The following SEC14L5 variants were observed in gnomAD, a reference collection of about 807,000 sequenced individuals.
SEC14L5 encodes SEC14-like protein 5.
SEC14L5 carries 96 observed loss-of-function variants against 84.6 expected under a neutral mutation model. That is an observed-to-expected ratio of 1.13 (90% CI 0.96 to 1.34). The LOEUF is 1.34. Among genes scored for constraint, SEC14L5 ranks in the 40% most tolerant of loss-of-function variants. The pLI, the probability that SEC14L5 is intolerant of heterozygous loss-of-function variation, is 0.00. For missense variants in SEC14L5, 1,224 were observed against 942.5 expected (o/e 1.30, Z -3.91); for synonymous variants, 546 against 383.4 (o/e 1.42, Z -4.95).
chr16:5,002,913 A>T (rs898122984), intron 10 of SEC14L5, among the ~76,000 whole-genome samples: 1 of 152,156 alleles, frequency 6.6e-6, no homozygotes, highest in Non-Finnish European at 1.5e-5. Context: ...TGAGGTTGCA[A>T]TGTTTTGAAT....
chr16:5,006,144 G>C (rs933947033), intron 12 of SEC14L5, 96 bp downstream of exon 12: 10 of 1,346,648 alleles, frequency 7.4e-6, no homozygotes, highest in South Asian at 2.5e-5. Context: ...GGAGGTGGAG[G>C]GGGGCTGGGT....
At chr16:4,995,453 CTG>C (rs2142511247) in intron 6 of SEC14L5, among the ~76,000 whole-genome samples, 1 of 152,230 alleles carries the variant, frequency 6.6e-6, no homozygotes, top group South Asian at 2.1e-4. Flanking sequence ...GGTCCAGGCT[CTG>C]TTAAAAGCTG....
intron 15 of SEC14L5, among the ~76,000 whole-genome samples, chr16:5,013,663 A>G (rs1386627618): frequency 6.7e-6 from 1 of 149,890 alleles, no homozygotes; most frequent in Non-Finnish European, 1.5e-5. Flanking sequence ...GGTTCAAGCA[A>G]TCCTCATGCC....
chr16:4,988,034 G>C, intron 3 of SEC14L5, 115 bp from the exon 4 acceptor site: 1 of 1,146,634 alleles, frequency 8.7e-7, no homozygotes, highest in Non-Finnish European at 1.2e-6. Flanking sequence ...GGTGGCGCAA[G>C]GGACCTGGGA....
In SEC14L5 at chr16:4,959,294, G is replaced by C. The variant is rs1955089596; in HGVS notation, c.-30G>C. 4 of 1,595,142 alleles carry C rather than the reference G, an allele frequency of 2.5e-6. No individual in the cohort carries two copies. The highest frequency in any genetic ancestry group is 3.4e-6 in the Non-Finnish European group (4 of 1,162,700). On this transcript the variant is annotated 5_prime_UTR_variant, in exon 2 of 16. Transcript: ENST00000251170. ...CCAGGCTCTGTGCACACCCCTGCCT[G>C]GTGACCTCCATTGGTGCTCCAGCGT...
In SEC14L5 at chr16:4,998,003, C is replaced by CCTTTTTTTTTTTTTTT. The variant is rs1555530444; in HGVS notation, c.970+959_970+960insCTTTTTTTTTTTTTTT. Among the ~76,000 whole-genome samples the CCTTTTTTTTTTTTTTT allele has an allele frequency of 1.0e-4, 8 of 77,896 alleles. 4 individuals carry two copies. Among genetic ancestry groups the CCTTTTTTTTTTTTTTT allele is most frequent in the Non-Finnish European group, 5.3e-5 (2 of 37,856 alleles). The allele number at this position is 77,896 out of a possible 152,430, so 51.1% of individuals were successfully genotyped here. A position where few individuals can be genotyped will look rare whatever the true frequency, so the allele number is the denominator to read the frequency against. Reference sequence around the variant, plus strand: ...AATTACACCTGCACAGACTCTAGTTCTTTTTTTTTTTTTTTTTTGAGACAG... The same window carrying CCTTTTTTTTTTTTTTT: ...AATTACACCTGCACAGACTCTAGTTCCTTTTTTTTTTTTTTTTTTTTTTTTTTTTTTTTTGAGACAG... On this transcript the variant is annotated intron_variant, in intron 8 of 15. Transcript: ENST00000251170.
chr16:4,984,108 C>T (rs576451621), intron 2 of SEC14L5, among the ~76,000 whole-genome samples: 1 of 152,198 alleles, frequency 6.6e-6, no homozygotes, highest in South Asian at 2.1e-4. Context: ...AGCTTCACCG[C>T]AATCAGCTTT....
chr16:5,007,480 C>A lies in SEC14L5; in HGVS notation c.1566C>A (p.Pro522=), dbSNP rs1393305533. The change falls in exon 13 of 16, where the codon CCC becomes CCA. Residue 522 remains proline (P), a synonymous_variant. Transcript: ENST00000251170. ...YHSASVLRGA[P]HEVAVEILEG... ...CAGCCAGCGTGCTCCGCGGAGCCCC[C>A]CACGAGGTGCCAGGGCCTGGCCGGG... 1 of 1,613,118 alleles carries A rather than the reference C, an allele frequency of 6.2e-7. No individual in the cohort carries two copies. Among genetic ancestry groups the A allele is most frequent in the African/African-American group, 1.3e-5 (1 of 74,938 alleles).
chr16:4,968,305 G>A (rs945491449), intron 2 of SEC14L5, among the ~76,000 whole-genome samples: 1 of 151,502 alleles, frequency 6.6e-6, no homozygotes, highest in East Asian at 2.0e-4. Context: ...TCAGCCTCCC[G>A]AGTAGCTGGG....
At chr16:4,998,090 C>A (rs964250790) in intron 8 of SEC14L5, among the ~76,000 whole-genome samples, 3 of 150,848 alleles carry the variant, frequency 2.0e-5, no homozygotes, top group African/African-American at 7.3e-5. Context: ...TGCAACTCCG[C>A]CCCCCGCCAG....
chr16:4,993,065 C>T (rs1955569009), intron 6 of SEC14L5, among the ~76,000 whole-genome samples: 1 of 151,882 alleles, frequency 6.6e-6, no homozygotes, highest in Non-Finnish European at 1.5e-5. Context: ...TATTTAGAGA[C>T]AGGGTCTTGC....
intron 2 of SEC14L5, among the ~76,000 whole-genome samples, chr16:4,970,414 T>G (rs1568107693): frequency 1.3e-5 from 2 of 152,142 alleles, no homozygotes; most frequent in Admixed American, 6.5e-5. Context: ...GGGACCCCAG[T>G]GCAAGTTAGA....
Position 4,990,747 on chromosome 16 carries a change from G to A in SEC14L5, c.346-20G>A. On this transcript the variant is annotated intron_variant, in intron 4 of 15. Transcript: ENST00000251170. ...GCCCCCGACATTGAGTCCCTGGCAT[G>A]ACCCCTGCCTGGCTTTCAGGTCCAC... is the stretch of plus-strand genomic sequence containing the variant. The A allele has an allele frequency of 1.3e-6, 2 of 1,596,656 alleles. No individual in the cohort carries two copies. The highest frequency in any genetic ancestry group is 1.3e-5 in the African/African-American group (1 of 74,110).
chr16:5,003,541 G>GC lies in SEC14L5; in HGVS notation c.1276dup (p.Arg426ProfsTer16), dbSNP rs981004565. The GC allele has an allele frequency of 1.0e-5, 14 of 1,334,888 alleles. No homozygotes were observed. The highest frequency in any genetic ancestry group is 1.2e-5 in the Non-Finnish European group (12 of 1,016,048). The allele number at this position is 1,334,888 out of a possible 1,614,324, so 82.7% of individuals were successfully genotyped here. On this transcript the variant is annotated frameshift_variant, in exon 11 of 16. Coordinates refer to ENST00000251170, the MANE Select transcript of SEC14L5 (RefSeq NM_014692.2). LOFTEE classifies it high-confidence loss of function. ...CCTGGGTCGGCTGCTCATCGTGCGA[G>GC]CCCCCCGAGTCTTCCCCGTGCTCTG...
At position 4,991,960 on chromosome 16, in the gene SEC14L5, C is replaced by G; in HGVS notation, c.597C>G (p.Asp199Glu). The part of the protein sequence containing the change: ...EDARNQAGPR[D>E]PSSLEAHGPR... Reference sequence around the variant, plus strand: ...CCCGCAACCAGGCTGGACCGAGGGACCCCAGCTCCCTGGAGGCCCACGGGC... The same window carrying G: ...CCCGCAACCAGGCTGGACCGAGGGAGCCCAGCTCCCTGGAGGCCCACGGGC... Residue 199 changes from aspartate to glutamate, a missense_variant, in exon 6 of 16, where the codon GAC becomes GAG. Physicochemically the swap from Asp to Glu is conservative, Grantham distance 45. Coordinates refer to ENST00000251170, the MANE Select transcript of SEC14L5 (RefSeq NM_014692.2). 1 of 1,594,890 alleles carries G rather than the reference C, an allele frequency of 6.3e-7. No individual in the cohort carries two copies. Among genetic ancestry groups the G allele is most frequent in the Non-Finnish European group, 8.5e-7 (1 of 1,174,668 alleles).
At chr16:4,983,059 G>C (rs1046831669) in intron 2 of SEC14L5, among the ~76,000 whole-genome samples, 2 of 152,014 alleles carry the variant, frequency 1.3e-5, no homozygotes, top group African/African-American at 4.8e-5. Flanking sequence ...CTGGAGTTCA[G>C]TGGCACGATC....
rs1281495656 is a variant in SEC14L5 at position 5,018,775 on chromosome 16, A to G, written c.*3805A>G. 1 of 152,062 alleles carries G rather than the reference A, an allele frequency of 6.6e-6. No individual in the cohort carries two copies. Among genetic ancestry groups the G allele is most frequent in the Non-Finnish European group, 1.5e-5 (1 of 68,042 alleles). 9.4% of individuals were successfully genotyped at this position (152,062 alleles called of 1,614,324 possible). A position where few individuals can be genotyped will look rare whatever the true frequency, so the allele number is the denominator to read the frequency against. ...GAAAATGTTTTTTCCCAGAGGTTGA[A>G]GTATGGAGAGTTTGAGACTCTTTTT... On this transcript the variant is annotated 3_prime_UTR_variant, in exon 16 of 16. Transcript: ENST00000251170.
intron 15 of SEC14L5, among the ~76,000 whole-genome samples, chr16:5,012,253 C>G (rs145775362): frequency 6.6e-6 from 1 of 152,118 alleles, no homozygotes; most frequent in African/African-American, 2.4e-5. Context: ...CAGGGGGACA[C>G]AGAGGAATAG....
chr16:4,991,612 A>AT (rs2142507291), intron 5 of SEC14L5, among the ~76,000 whole-genome samples: 1 of 152,170 alleles, frequency 6.6e-6, no homozygotes, highest in Admixed American at 6.6e-5. Context: ...CAAAAAACTG[A>AT]TTACTGAGCT....
Sources: gnomAD v4.1 joint callset for allele counts (sites outside exome capture counted in the v4.1 genomes callset) on GRCh38, gnomAD v4.1.1 for gene constraint, MANE v1.5 for transcripts, NCBI Gene and HGNC (gene_info 2026-07-23, HGNC 2026-07-21) for gene names.